SCCPDH: variants seen among roughly 807,000 people sequenced by gnomAD.
SCCPDH encodes the protein saccharopine dehydrogenase (putative).
In SCCPDH, 34 loss-of-function variants were observed where a neutral mutation model predicts 51.5. The ratio of observed to expected loss-of-function variants is 0.66; its 90% CI spans 0.50 to 0.88. The LOEUF is 0.88. Ranked by LOEUF, SCCPDH falls within the 40% of genes least tolerant of loss-of-function variation. SCCPDH has a pLI of 0.00. For synonymous variants in SCCPDH, 187 were observed against 191.3 expected (o/e 0.98, Z 0.19); for missense variants, 464 against 527.1 (o/e 0.88, Z 1.17).
intron 3 of SCCPDH, among the ~76,000 whole-genome samples, chr1:246,739,617 C>G (rs1263196553): frequency 1.3e-5 from 2 of 152,184 alleles, no homozygotes; most frequent in Non-Finnish European, 2.9e-5. Flanking sequence ...AACCACTGTT[C>G]ATGTAAAAGA....
intron 4 of SCCPDH, among the ~76,000 whole-genome samples, chr1:246,741,591 C>T (rs762887079): frequency 2.6e-5 from 4 of 151,846 alleles, no homozygotes; most frequent in Admixed American, 6.6e-5. Context: ...AGCCACCATG[C>T]GCAGCTCATC....
intron 5 of SCCPDH, among the ~76,000 whole-genome samples, chr1:246,746,788 C>T (rs1270532886): frequency 2.0e-5 from 3 of 152,214 alleles, no homozygotes; most frequent in South Asian, 2.1e-4. Flanking sequence ...TTGCAGTGAG[C>T]CGAGATCGTG....
chr1:246,731,116 T>G (rs1325345866), intron 2 of SCCPDH, among the ~76,000 whole-genome samples: 1 of 152,180 alleles, frequency 6.6e-6, no homozygotes, highest in Non-Finnish European at 1.5e-5. Flanking sequence ...TTCTGACCTT[T>G]GAGCCAATTG....
intron 9 of SCCPDH, among the ~76,000 whole-genome samples, chr1:246,761,688 G>C (rs1167575027): frequency 1.3e-5 from 2 of 152,186 alleles, no homozygotes; most frequent in Admixed American, 1.3e-4. Context: ...CCTAGCGTAA[G>C]GTCTTCAAGG....
chr1:246,731,272 G>C (rs1444162542), intron 2 of SCCPDH, among the ~76,000 whole-genome samples: 2 of 152,220 alleles, frequency 1.3e-5, no homozygotes, highest in Non-Finnish European at 2.9e-5. Context: ...CTCAACTCCA[G>C]ATTACTCAAA....
intron 5 of SCCPDH, among the ~76,000 whole-genome samples, chr1:246,754,566 G>C (rs1668901907): frequency 6.6e-6 from 1 of 152,332 alleles, no homozygotes; most frequent in East Asian, 1.9e-4. Context: ...GCTTTATTCG[G>C]CTGGGAGCTT....
chr1:246,731,806 T>G (rs915487908), intron 2 of SCCPDH, among the ~76,000 whole-genome samples: 2 of 152,222 alleles, frequency 1.3e-5, no homozygotes, highest in African/African-American at 4.8e-5. Context: ...GCTGGCCTGC[T>G]GCACCCATCA....
chr1:246,728,556 C>G (rs188941182), intron 2 of SCCPDH, among the ~76,000 whole-genome samples: 2 of 152,316 alleles, frequency 1.3e-5, no homozygotes, highest in East Asian at 3.9e-4. Flanking sequence ...CTTAGCACCT[C>G]CGGCAGCTCT....
In SCCPDH at chr1:246,748,394, C is replaced by T. The variant is rs539706493; in HGVS notation, c.564+4269C>T. Among the ~76,000 whole-genome samples, 63 of 152,292 alleles carry T rather than the reference C, an allele frequency of 4.1e-4. No individual in the cohort carries two copies. The East Asian group carries it at 7.5e-3, about 18-fold the overall frequency. On this transcript the variant is annotated intron_variant, in intron 5 of 11. Coordinates refer to ENST00000366510, the MANE Select transcript of SCCPDH (RefSeq NM_016002.3). ...AAGCGGTAAGTCTTTGTAAGGCGCT[C>T]GTTGTGCTCCCAGTGGGGGTAGTGT...
chr1:246,729,081 T>C (rs964394793), intron 2 of SCCPDH, among the ~76,000 whole-genome samples: 2 of 150,120 alleles, frequency 1.3e-5, no homozygotes, highest in African/African-American at 4.9e-5. Flanking sequence ...GGGGAGGGAG[T>C]GTACAAATAG....
intron 5 of SCCPDH, among the ~76,000 whole-genome samples, chr1:246,748,337 C>T (rs61852485): frequency 3.9e-5 from 6 of 152,138 alleles, no homozygotes; most frequent in Non-Finnish European, 8.8e-5. Context: ...AAAGGGTTAT[C>T]GGCTCCAGAA....
rs1668960542 is a variant in SCCPDH at position 246,758,269 on chromosome 1, G to A, written c.608G>A (p.Gly203Asp). 1 of 1,609,456 alleles carries A rather than the reference G, an allele frequency of 6.2e-7. No homozygotes were observed. The highest frequency in any genetic ancestry group is 8.5e-7 in the Non-Finnish European group (1 of 1,177,632). Residue 203 changes from glycine to aspartate, a missense_variant, in exon 6 of 12, where the codon GGT becomes GAT. Gly to Asp is a moderately conservative substitution (Grantham distance 94). Coordinates refer to ENST00000366510, the MANE Select transcript of SCCPDH (RefSeq NM_016002.3). ...HDGTWKSAIY[G>D]FGDQSNLRKL... ...GGTACCTGGAAGTCAGCAATTTATG[G>A]TTTTGGAGATCAGAGTAATTTGAGA...
chr1:246,741,381 C>T (rs1441024546), intron 4 of SCCPDH, among the ~76,000 whole-genome samples: 3 of 151,280 alleles, frequency 2.0e-5, no homozygotes, highest in East Asian at 3.9e-4. Flanking sequence ...CTCACCGTAA[C>T]GAATGCCTGG....
chr1:246,739,280 T>C (rs963648223), intron 3 of SCCPDH, among the ~76,000 whole-genome samples: 1 of 152,156 alleles, frequency 6.6e-6, no homozygotes, highest in African/African-American at 2.4e-5. Flanking sequence ...CGATGTGATA[T>C]GATATGATAA....
At chr1:246,741,116 A>G (rs1668669930) in intron 4 of SCCPDH, among the ~76,000 whole-genome samples, 1 of 152,026 alleles carries the variant, frequency 6.6e-6, no homozygotes. Context: ...AAAAACAAAA[A>G]CAAAAAACAA....
chr1:246,753,957 T>C (rs1435373408), intron 5 of SCCPDH, among the ~76,000 whole-genome samples: 2 of 151,974 alleles, frequency 1.3e-5, no homozygotes, highest in African/African-American at 4.8e-5. Flanking sequence ...TATTTTAACA[T>C]GAGACCTAGG....
chr1:246,758,393 T>C, intron 6 of SCCPDH, 37 bp downstream of exon 6: 1 of 1,501,236 alleles, frequency 6.7e-7, no homozygotes, highest in Non-Finnish European at 9.1e-7. Context: ...ATATATCTAG[T>C]CTAAGTATAT....
Position 246,764,267 on chromosome 1 carries a change from C to T in SCCPDH, c.1012C>T (p.Leu338=), listed in dbSNP as rs773698374. 1.9e-6 allele frequency: 3 copies of T among 1,613,428 alleles called. No homozygotes were observed. Among genetic ancestry groups the T allele is most frequent in the South Asian group, 1.1e-5 (1 of 90,976 alleles). Residue 338 remains leucine (L), a synonymous_variant, in exon 10 of 12, where the codon CTG becomes TTG. Transcript: ENST00000366510. The part of the protein sequence containing the change: ...QKQIDAASFT[L]TFFGQGYSQG... ...ACAGATTGATGCTGCCTCATTCACG[C>T]TGACATTCTTTGGTCAAGGATACAG...
intron 10 of SCCPDH, among the ~76,000 whole-genome samples, chr1:246,764,835 T>C (rs1669066383): frequency 6.6e-6 from 1 of 152,272 alleles, no homozygotes; most frequent in African/African-American, 2.4e-5. Flanking sequence ...GAACTTTTGC[T>C]GTACATTTTA....
Sources: allele counts gnomAD v4.1 joint callset (sites outside exome capture counted in the v4.1 genomes callset), GRCh38; gene constraint gnomAD v4.1.1; transcripts MANE v1.5; gene names NCBI Gene and HGNC (gene_info 2026-07-23, HGNC 2026-07-21).